COMMD6: variants seen among roughly 807,000 people sequenced by gnomAD.
The protein encoded by COMMD6 is COMM domain containing 6, also known as COMM domain-containing protein 6.
A neutral mutation model predicts 13.4 loss-of-function variants in COMMD6; 11 were observed. That is an observed-to-expected ratio of 0.82 (90% confidence interval 0.52 to 1.36). The LOEUF is 1.36. Among genes scored for constraint, COMMD6 ranks in the 40% most tolerant of loss-of-function variants. The pLI, the probability that COMMD6 is intolerant of heterozygous loss-of-function variation, is 0.00. For synonymous variants in COMMD6, 43 were observed against 36.5 expected (o/e 1.18, Z -0.64); for missense variants, 124 against 102.4 (o/e 1.21, Z -0.91).
At chr13:75,548,004 TCCGGC>T (rs764416713) in intron 1 of COMMD6, among the ~76,000 whole-genome samples, 2 of 152,250 alleles carry the variant, frequency 1.3e-5, no homozygotes, top group Non-Finnish European at 2.9e-5. Context: ...TGTCTTGCTG[TCCGGC>T]CTTGTGTCTC....
chr13:75,543,182 G>C (rs2030852816), upstream of COMMD6, among the ~76,000 whole-genome samples: 4 of 152,222 alleles, frequency 2.6e-5, no homozygotes, highest in South Asian at 8.3e-4. Flanking sequence ...CTTGAGGGTA[G>C]AGAGTGGGAG....
upstream of COMMD6, among the ~76,000 whole-genome samples, chr13:75,540,371 CAG>C (rs1555271323): frequency 2.7e-5 from 4 of 150,684 alleles, no homozygotes; most frequent in African/African-American, 7.4e-5. Context: ...CACACACACA[CAG>C]ACACACACCC....
At chr13:75,545,706 C>A (rs1447794528) in intron 1 of COMMD6, among the ~76,000 whole-genome samples, 2 of 152,140 alleles carry the variant, frequency 1.3e-5, no homozygotes, top group Non-Finnish European at 2.9e-5. Context: ...CTCCTGACCT[C>A]ATGATCTGCC....
intron 2 of COMMD6, among the ~76,000 whole-genome samples, chr13:75,531,803 A>G (rs74560946): frequency 1.3e-5 from 2 of 152,210 alleles, no homozygotes; most frequent in African/African-American, 4.8e-5. Flanking sequence ...AGCTGACTTT[A>G]GCTAGTAAAA....
upstream of COMMD6, chr13:75,538,060 A>C (rs1267151069): frequency 4.8e-6 from 2 of 417,512 alleles, no homozygotes; most frequent in Non-Finnish European, 8.5e-6. Flanking sequence ...GCGCTAATTA[A>C]ATTTAGGATG....
upstream of COMMD6, among the ~76,000 whole-genome samples, chr13:75,539,783 C>CA (rs2030794115): frequency 6.6e-6 from 1 of 151,678 alleles, no homozygotes. Flanking sequence ...GCCAAAAAAC[C>CA]AAAAAACAAA....
At chr13:75,547,886 T>C (rs915014205) in intron 1 of COMMD6, among the ~76,000 whole-genome samples, 3 of 152,234 alleles carry the variant, frequency 2.0e-5, no homozygotes, top group African/African-American at 7.2e-5. Context: ...GAATATACAC[T>C]TGGGAATACA....
intron 3 of COMMD6, chr13:75,527,828 A>G: frequency 6.6e-7 from 1 of 1,513,212 alleles, no homozygotes; most frequent in Non-Finnish European, 8.9e-7. Flanking sequence ...CAGAAAGGAG[A>G]CTGGAGGTTG....
chr13:75,529,973 G>T, intron 3 of COMMD6, 141 bp downstream of exon 3: 1 of 628,414 alleles, frequency 1.6e-6, no homozygotes, highest in South Asian at 2.1e-5. Context: ...AATGTCTCTT[G>T]CATATACTAC....
rs183848797 is a variant in COMMD6 at position 75,545,460 on chromosome 13, T to C, written n.106+3863A>G. Among the ~76,000 whole-genome samples, 541 of 152,214 alleles carry C rather than the reference T, an allele frequency of 3.6e-3. 4 individuals are homozygous for C. The highest frequency in any genetic ancestry group is 0.014 in the Middle Eastern group (4 of 292). On this transcript the variant is annotated intron_variant and non_coding_transcript_variant, in intron 1 of 2. Coordinates refer to the COMMD6 transcript ENST00000460675. ...AGTGACCATTACATCAGATGGTTTC[T>C]TTTTCTTTTTCTCTTTTTTTTTTTG... is the stretch of plus-strand genomic sequence containing the variant.
upstream of COMMD6, among the ~76,000 whole-genome samples, chr13:75,538,138 C>T (rs1217769399): frequency 6.6e-6 from 1 of 152,214 alleles, no homozygotes; most frequent in Non-Finnish European, 1.5e-5. Flanking sequence ...CACAGCATCC[C>T]GCTGCGCGGC....
At chr13:75,535,098 C>A (rs928984815) in intron 2 of COMMD6, among the ~76,000 whole-genome samples, 8 of 152,118 alleles carry the variant, frequency 5.3e-5, no homozygotes, top group African/African-American at 1.7e-4. Flanking sequence ...CTCTTTCATG[C>A]GGCTTTTGAA....
rs769284818 is a variant in COMMD6, at chr13:75,529,113, G to GTT, written c.207+1000_207+1001insAA. On this transcript the variant is annotated intron_variant, in intron 3 of 3. Coordinates refer to ENST00000682242, the MANE Select transcript of COMMD6 (RefSeq NM_203495.4). ...GTGTAAGTACTAACTTCGTACTAGT[G>GTT]TAAGTGCTAAGAATAGATTCCTACC... 6.6e-5 allele frequency among the ~76,000 whole-genome samples: 10 copies of GTT among 152,290 alleles called. No homozygotes were observed. The East Asian group carries it at 1.9e-3, about 29-fold the overall frequency.
rs2030416765 is a variant in COMMD6 at position 75,530,115 on chromosome 13, T to C, written c.206A>G (p.Gln69Arg). The C allele has an allele frequency of 6.2e-7, 1 of 1,610,858 alleles. No individual in the cohort carries two copies. Among genetic ancestry groups the C allele is most frequent in the Non-Finnish European group, 8.5e-7 (1 of 1,178,582 alleles). Residue 69 changes from glutamine (Q) to arginine (R), a missense_variant and splice_region_variant, in exon 3 of 4, where the codon CAG (glutamine) becomes CGG (arginine). Gln to Arg is a conservative substitution (Grantham distance 43, BLOSUM62 1). Transcript: ENST00000682242. ...KCFEMTIPQF[Q>R]NFYRQFKEIA... Reference sequence around the variant, plus strand: ...AACTGGATGAGTTAAATCACAAACCTGAAACTGTGGAATCGTCATTTCAAA... The same window carrying C: ...AACTGGATGAGTTAAATCACAAACCCGAAACTGTGGAATCGTCATTTCAAA...
rs2030232651 is a variant in COMMD6 at position 75,525,937 on chromosome 13, A to G, written c.*652T>C. On this transcript the variant is annotated 3_prime_UTR_variant, in exon 4 of 4. Coordinates refer to ENST00000682242, the MANE Select transcript of COMMD6 (RefSeq NM_203495.4). ...ATCATCTAATGCAATAACTTGTGCT[A>G]ACGGGTTAACTCCGTCGTACAGAAC... 6.6e-6 allele frequency: 1 copy of G among 152,254 alleles called. No individual in the cohort carries two copies. Among genetic ancestry groups the G allele is most frequent in the South Asian group, 2.1e-4 (1 of 4,836 alleles). The allele number at this position is 152,254 out of a possible 1,614,324, so 9.4% of individuals were successfully genotyped here. A position where few individuals can be genotyped will look rare whatever the true frequency, so the allele number is the denominator to read the frequency against.
At chr13:75,530,290 A>G (rs754746886) in intron 2 of COMMD6, 24 bp from the exon 3 acceptor site, 1 of 1,573,658 alleles carries the variant, frequency 6.4e-7, no homozygotes. Flanking sequence ...GGACAAAATA[A>G]TACATTAGTA....
chr13:75,549,031 T>C (rs935851047), intron 1 of COMMD6, among the ~76,000 whole-genome samples: 5 of 152,172 alleles, frequency 3.3e-5, no homozygotes, highest in Non-Finnish European at 5.9e-5. Context: ...GGAATCCACT[T>C]TTTCAGGAAG....
intron 2 of COMMD6, among the ~76,000 whole-genome samples, chr13:75,533,589 G>T (rs1323037909): frequency 7.3e-6 from 1 of 136,700 alleles, no homozygotes; most frequent in South Asian, 2.3e-4. Flanking sequence ...AAAAAAAAAA[G>T]AGAGAGAGAG....
intron 3 of COMMD6, 32 bp downstream of exon 3, chr13:75,530,082 T>G: frequency 6.4e-7 from 1 of 1,560,302 alleles, no homozygotes; most frequent in Non-Finnish European, 8.7e-7. Flanking sequence ...ACAGAAAAGC[T>G]GAGCTAAAAC....
Sources: allele counts gnomAD v4.1 joint callset (sites outside exome capture counted in the v4.1 genomes callset), GRCh38; gene constraint gnomAD v4.1.1; transcripts MANE v1.5; gene names NCBI Gene and HGNC (gene_info 2026-07-23, HGNC 2026-07-21).